The following ETS2 variants were observed in gnomAD, a reference collection of about 807,000 sequenced individuals.
ETS2 encodes ETS proto-oncogene 2, transcription factor.
Under a neutral mutation model 54.9 loss-of-function variants are expected in ETS2, and 19 were observed. The observed-to-expected ratio is 0.35, with a 90% CI of 0.24 to 0.51. The LOEUF is 0.51. ETS2 is among the 20% of genes least tolerant of loss of function. ETS2 has a pLI of 0.97. For synonymous variants in ETS2, 219 were observed against 229.3 expected, an observed-to-expected ratio of 0.95 and a Z score of 0.41; for missense variants, 417 against 593.0, an observed-to-expected ratio of 0.70 and a Z score of 3.08.
chr21:38,818,173 G>A (rs1310965207), intron 6 of ETS2, among the ~76,000 whole-genome samples: 2 of 152,166 alleles, frequency 1.3e-5, no homozygotes, highest in Non-Finnish European at 2.9e-5. Context: ...GAAAGCACTA[G>A]GGTTGTAGAA....
chr21:38,812,941 C>T, intron 2 of ETS2, 62 bp from the exon 3 acceptor site: 4 of 1,197,394 alleles, frequency 3.3e-6, no homozygotes, highest in Non-Finnish European at 5.0e-6. Context: ...ACCACTTTTA[C>T]AACAGGTAAT....
At chr21:38,807,477 T>C (rs7282703) in intron 1 of ETS2, among the ~76,000 whole-genome samples, 1,489 of 148,138 alleles carry the variant, frequency 0.01, 29 homozygotes, top group African/African-American at 0.035. Context: ...AAACTTGAAA[T>C]TGATTTATGT....
intron 2 of ETS2, among the ~76,000 whole-genome samples, chr21:38,812,191 T>TA (rs2060916270): frequency 6.6e-6 from 1 of 151,586 alleles, no homozygotes; most frequent in Non-Finnish European, 1.5e-5. Context: ...CTTCCAAAGA[T>TA]AAAGTAGTGT....
In ETS2 at chr21:38,814,160, C is replaced by A; in HGVS notation, c.185-113C>A. 9.2e-7 allele frequency: 1 copy of A among 1,088,716 alleles called. No individual in the cohort carries two copies. The highest frequency in any genetic ancestry group is 1.5e-5 in the South Asian group (1 of 67,394). The allele number at this position is 1,088,716 out of a possible 1,614,324, so 67.4% of individuals were successfully genotyped here. A position where few individuals can be genotyped will look rare whatever the true frequency, so the allele number is the denominator to read the frequency against. ...GTTACACTGTTTTAAGGAATCATGC[C>A]AAGGTTTGAGATCAAAATTGTTCTT... is the stretch of plus-strand genomic sequence containing the variant. On this transcript the variant is annotated intron_variant, in intron 3 of 9. Coordinates refer to ENST00000360938, the MANE Select transcript of ETS2 (RefSeq NM_005239.6). The surrounding 1 kb of genome is among the most constrained non-coding windows in gnomAD (Gnocchi z 4.2).
At chr21:38,808,468 G>A (rs2060901625) in intron 1 of ETS2, among the ~76,000 whole-genome samples, 1 of 152,096 alleles carries the variant, frequency 6.6e-6, no homozygotes, top group Non-Finnish European at 1.5e-5. Context: ...ATTATTTATT[G>A]CCAGTGCTGA....
chr21:38,814,924 C>G lies in ETS2; in HGVS notation c.448C>G (p.Leu150Val), dbSNP rs147754962. The G allele has an allele frequency of 6.2e-7, 1 of 1,614,050 alleles. No individual in the cohort carries two copies. Among genetic ancestry groups the G allele is most frequent in the African/African-American group, 1.3e-5 (1 of 74,914 alleles). ...CCTTGGCAAGGAACGCTTTCTGGAGCTGGCACCTGACTTTGTGGGTGACAT... is the reference window on the plus strand; with the variant it reads ...CCTTGGCAAGGAACGCTTTCTGGAGGTGGCACCTGACTTTGTGGGTGACAT... ...CNLGKERFLE[L>V]APDFVGDILW... Residue 150 changes from leucine to valine, a missense_variant, in exon 5 of 10, where the codon CTG becomes GTG. By Grantham distance (32) the Leu-to-Val change is conservative. This residue lies in a region of ETS2 where 326 missense variants were observed against 426.1 expected (regional missense o/e 0.76). Transcript: ENST00000360938. The surrounding 1 kb of genome is among the most constrained non-coding windows in gnomAD (Gnocchi z 4.2).
chr21:38,819,898 T>A (rs745922962), intron 8 of ETS2, 132 bp downstream of exon 8: 269 of 849,936 alleles, frequency 3.2e-4, no homozygotes, highest in Admixed American at 9.0e-4. Context: ...CACTCCATGT[T>A]TTATGCGTGG....
At chr21:38,822,130 G>T (rs1329784674) in intron 9 of ETS2, among the ~76,000 whole-genome samples, 3 of 152,168 alleles carry the variant, frequency 2.0e-5, no homozygotes, top group African/African-American at 7.2e-5. Context: ...AGAACCAGGA[G>T]CCCTGTCTAA....
intron 1 of ETS2, among the ~76,000 whole-genome samples, chr21:38,808,019 G>A (rs2060899937): frequency 1.3e-5 from 2 of 152,202 alleles, no homozygotes; most frequent in Non-Finnish European, 2.9e-5. Context: ...AGAAGGGCCT[G>A]ATCTGATAAT....
At chr21:38,818,791 G>A (rs2060945593) in intron 7 of ETS2, 145 bp downstream of exon 7, 5 of 938,340 alleles carry the variant, frequency 5.3e-6, no homozygotes, top group Non-Finnish European at 8.1e-6. Flanking sequence ...TTTCCAACAA[G>A]CATACCCCTA....
rs933180295 is a variant in ETS2 at position 38,823,097 on chromosome 21, C to A, written c.*208C>A. Reference sequence around the variant, plus strand: ...GCAACGGCACAGCTAATTCTACTCACAGTGCTTTTAAGTGAAAATGGTCGA... The same window carrying A: ...GCAACGGCACAGCTAATTCTACTCAAAGTGCTTTTAAGTGAAAATGGTCGA... On this transcript the variant is annotated 3_prime_UTR_variant, in exon 10 of 10. Transcript: ENST00000360938. The A allele has an allele frequency of 2.3e-5, 10 of 427,102 alleles. No homozygotes were observed. The highest frequency in any genetic ancestry group is 4.1e-5 in the Non-Finnish European group (10 of 243,012). 26.5% of individuals were successfully genotyped at this position (427,102 alleles called of 1,614,324 possible).
chr21:38,820,782 G>A (rs755527896), intron 8 of ETS2, among the ~76,000 whole-genome samples: 1 of 152,216 alleles, frequency 6.6e-6, no homozygotes, highest in African/African-American at 2.4e-5. Flanking sequence ...CGGCCATTGC[G>A]TTTCTGAGGA....
chr21:38,815,521 A>G (rs180895537), intron 5 of ETS2, among the ~76,000 whole-genome samples: 7 of 152,166 alleles, frequency 4.6e-5, no homozygotes, highest in African/African-American at 1.7e-4. Context: ...TTTACACGCT[A>G]TCATATTGTA....
intron 7 of ETS2, among the ~76,000 whole-genome samples, chr21:38,819,000 T>C (rs1242331548): frequency 6.6e-6 from 1 of 152,250 alleles, no homozygotes; most frequent in African/African-American, 2.4e-5. Flanking sequence ...TGTATGTATG[T>C]ATACCCATGT....
intron 8 of ETS2, among the ~76,000 whole-genome samples, chr21:38,820,772 C>T (rs964694907): frequency 2.6e-5 from 4 of 152,188 alleles, no homozygotes; most frequent in Admixed American, 1.3e-4. Flanking sequence ...TTATTGATAA[C>T]GGCCATTGCG....
chr21:38,822,968 C>G lies in ETS2; in HGVS notation c.*79C>G. The G allele has an allele frequency of 3.5e-6, 4 of 1,150,878 alleles. No individual in the cohort carries two copies. The highest frequency in any genetic ancestry group is 4.7e-6 in the Non-Finnish European group (4 of 843,366). 71.3% of individuals were successfully genotyped at this position (1,150,878 alleles called of 1,614,324 possible). ...CCATCCTGACCAGCTGCTCCGAGGA[C>G]CCAGGAAAGGCAGGATTGAAAATGT... On this transcript the variant is annotated 3_prime_UTR_variant, in exon 10 of 10. Transcript: ENST00000360938.
At chr21:38,819,393 A>T in intron 7 of ETS2, 110 bp from the exon 8 acceptor site, 1 of 972,668 alleles carries the variant, frequency 1.0e-6, no homozygotes, top group Non-Finnish European at 1.6e-6. Context: ...GAGTGGTTCT[A>T]CACCAGCAGG....
chr21:38,821,798 A>G lies in ETS2; in HGVS notation c.1194+94A>G. ...GTTCTTTGGGCACAAAAAAGGGTTC[A>G]CCAGTACTGCTGAGAATCTTTCCAC... is the stretch of plus-strand genomic sequence containing the variant. On this transcript the variant is annotated intron_variant, in intron 9 of 9. Coordinates refer to ENST00000360938, the MANE Select transcript of ETS2 (RefSeq NM_005239.6). This position sits in a 1 kb window ranked among gnomAD's most constrained non-coding sequence, Gnocchi z 4.2. 2 of 844,656 alleles carry G rather than the reference A, an allele frequency of 2.4e-6. No homozygotes were observed. The highest frequency in any genetic ancestry group is 4.0e-6 in the Non-Finnish European group (2 of 500,662). 52.3% of individuals were successfully genotyped at this position (844,656 alleles called of 1,614,324 possible). A position where few individuals can be genotyped will look rare whatever the true frequency, so the allele number is the denominator to read the frequency against.
intron 2 of ETS2, among the ~76,000 whole-genome samples, chr21:38,812,271 T>C (rs1255137907): frequency 6.6e-6 from 1 of 152,236 alleles, no homozygotes; most frequent in African/African-American, 2.4e-5. Context: ...TCAGACGGCC[T>C]TGTCAAGGGT....
Sources: allele counts gnomAD v4.1 joint callset (sites outside exome capture counted in the v4.1 genomes callset), GRCh38; gene constraint gnomAD v4.1.1; regional missense constraint gnomAD v4.1.1; non-coding constraint Gnocchi (gnomAD v3.1); transcripts MANE v1.5; gene names NCBI Gene and HGNC (gene_info 2026-07-23, HGNC 2026-07-21).